EPHA6: variants seen among roughly 807,000 people sequenced by gnomAD.
The protein encoded by EPHA6 is ephrin type-A receptor 6.
In EPHA6, 50 loss-of-function variants were observed where a neutral mutation model predicts 112.0. That is an observed-to-expected ratio of 0.45 (90% CI 0.36 to 0.56). The LOEUF (loss-of-function observed/expected upper bound fraction) is 0.56, where lower values mean the gene tolerates loss of function less well. Ranked by LOEUF, EPHA6 falls within the 20% of genes least tolerant of loss-of-function variation. The probability of loss-of-function intolerance (pLI) is 0.00; values close to 1 mark genes in which losing one functional copy is unlikely to be tolerated. For synonymous variants in EPHA6, 529 were observed against 490.7 expected, an observed-to-expected ratio of 1.08 and a Z score of -1.03; for missense variants, 1,280 against 1,417.4, an observed-to-expected ratio of 0.90 and a Z score of 1.56.
At chr3:97,011,647 T>G (rs1166717019) in intron 3 of EPHA6, among the ~76,000 whole-genome samples, 3 of 152,236 alleles carry the variant, frequency 2.0e-5, no homozygotes, top group Non-Finnish European at 4.4e-5. Context: ...CTTCTATTTC[T>G]TTTTCAACTT....
At chr3:96,987,302 A>G (rs1375261181) in intron 2 of EPHA6, 28 bp from the exon 3 acceptor site, 2 of 1,551,608 alleles carry the variant, frequency 1.3e-6, no homozygotes, top group South Asian at 2.4e-5. Flanking sequence ...GTTTAAAATC[A>G]CTTAATTACT....
At chr3:97,503,448 C>G (rs891234539) in intron 10 of EPHA6, among the ~76,000 whole-genome samples, 1 of 152,164 alleles carries the variant, frequency 6.6e-6, no homozygotes, top group African/African-American at 2.4e-5. Context: ...TTACCTAAGC[C>G]TCTTTTTCTG....
chr3:97,604,513 T>A (rs760569794), intron 12 of EPHA6, among the ~76,000 whole-genome samples: 8 of 151,714 alleles, frequency 5.3e-5, no homozygotes, highest in Non-Finnish European at 8.9e-5. Context: ...TTTTTAAAAC[T>A]TTTTGTGACA....
intron 4 of EPHA6, among the ~76,000 whole-genome samples, chr3:97,240,016 T>A (rs1226311454): frequency 6.6e-6 from 1 of 151,886 alleles, no homozygotes; most frequent in Non-Finnish European, 1.5e-5. Context: ...CTGAACCTCG[T>A]TTCTTCATCT....
At chr3:96,815,058 T>G (rs2107184717) in intron 1 of EPHA6, 50 bp downstream of exon 1, 1 of 1,458,578 alleles carries the variant, frequency 6.9e-7, no homozygotes, top group Non-Finnish European at 9.1e-7. Flanking sequence ...GGAGGGTGCT[T>G]GGAGAACCAG....
intron 2 of EPHA6, among the ~76,000 whole-genome samples, chr3:96,928,298 G>A (rs2040143751): frequency 6.6e-6 from 1 of 152,174 alleles, no homozygotes; most frequent in Non-Finnish European, 1.5e-5. Context: ...TGCTTTAGCT[G>A]CATCCCAGAG....
intron 3 of EPHA6, among the ~76,000 whole-genome samples, chr3:97,022,547 C>G (rs1288694096): frequency 6.6e-6 from 1 of 152,158 alleles, no homozygotes; most frequent in Non-Finnish European, 1.5e-5. Context: ...TCTTTTCACT[C>G]CCACTTCTAG....
chr3:96,814,816 G>C lies in EPHA6; in HGVS notation c.193G>C (p.Val65Leu). Residue 65 changes from valine to leucine, a missense_variant, in exon 1 of 18, where the codon GTG becomes CTG. Val to Leu is a conservative substitution (Grantham distance 32). This residue lies in a region of EPHA6 where 220 missense variants were observed against 171.5 expected (regional missense o/e 1.28). Coordinates refer to ENST00000389672, the MANE Select transcript of EPHA6 (RefSeq NM_001080448.3). ...GGAAGAGGAGGAGGAGGAAGAAGAC[G>C]TGGACAAGGACCCCCATCCTACCCA... ...EEEEEEEEED[V>L]DKDPHPTQNT... 1.3e-6 allele frequency: 2 copies of C among 1,595,728 alleles called. No homozygotes were observed. Among genetic ancestry groups the C allele is most frequent in the Non-Finnish European group, 1.7e-6 (2 of 1,170,342 alleles).
intron 11 of EPHA6, chr3:97,569,923 G>A (rs1472451690): frequency 2.0e-5 from 3 of 152,124 alleles, no homozygotes; most frequent in East Asian, 1.9e-4. Context: ...TCTGTGTATA[G>A]GATGAAGACC....
rs188261977 is a variant in EPHA6 at position 96,887,218 on chromosome 3, C to T, written c.450+20329C>T. Among the ~76,000 whole-genome samples the T allele has an allele frequency of 4.7e-5, 7 of 147,626 alleles. No homozygotes were observed. The East Asian group carries it at 9.7e-4, about 20-fold the overall frequency. On this transcript the variant is annotated intron_variant, in intron 2 of 17. Coordinates refer to ENST00000389672, the MANE Select transcript of EPHA6 (RefSeq NM_001080448.3). ...TCTGGTTCCTTCTCATTTGGGTAGG[C>T]TCTGTCAGAGGGAGGTTCTAAGGCT...
chr3:97,123,184 T>C (rs1371570883), intron 3 of EPHA6, among the ~76,000 whole-genome samples: 1 of 152,110 alleles, frequency 6.6e-6, no homozygotes, highest in East Asian at 1.9e-4. Flanking sequence ...TAATAGCACA[T>C]GTAGTGGTAC....
At chr3:97,000,747 C>T (rs757935136) in intron 3 of EPHA6, among the ~76,000 whole-genome samples, 56 of 151,486 alleles carry the variant, frequency 3.7e-4, no homozygotes, top group Middle Eastern at 3.4e-3. Flanking sequence ...CAAGTAATTA[C>T]GGTAATCAGG....
At chr3:97,429,850 C>G (rs1404846351) in intron 6 of EPHA6, among the ~76,000 whole-genome samples, 1 of 152,096 alleles carries the variant, frequency 6.6e-6, no homozygotes, top group African/African-American at 2.4e-5. Flanking sequence ...ATGTTGCTGT[C>G]AATATATTTT....
At chr3:97,671,106 T>C (rs1310356919) in intron 14 of EPHA6, among the ~76,000 whole-genome samples, 5 of 152,180 alleles carry the variant, frequency 3.3e-5, no homozygotes, top group Admixed American at 2.0e-4. Flanking sequence ...GTCTCGGTTA[T>C]CCCTTCTGTA....
intron 3 of EPHA6, among the ~76,000 whole-genome samples, chr3:97,051,388 C>T (rs1331230016): frequency 6.6e-6 from 1 of 151,996 alleles, no homozygotes; most frequent in Admixed American, 6.6e-5. Context: ...AGACTTGACC[C>T]CTGCTGTCTA....
intron 8 of EPHA6, among the ~76,000 whole-genome samples, chr3:97,476,355 A>G (rs772811462): frequency 5.3e-5 from 8 of 152,090 alleles, no homozygotes; most frequent in Non-Finnish European, 1.2e-4. Context: ...CACTATCATG[A>G]TTTAAAACTG....
At chr3:97,258,055 T>C (rs993372045) in intron 5 of EPHA6, among the ~76,000 whole-genome samples, 2 of 152,086 alleles carry the variant, frequency 1.3e-5, no homozygotes, top group Admixed American at 1.3e-4. Flanking sequence ...TGCTTGTTCT[T>C]TCATAACTCC....
intron 14 of EPHA6, among the ~76,000 whole-genome samples, chr3:97,671,345 A>T (rs565151421): frequency 1.1e-4 from 17 of 152,240 alleles, no homozygotes; most frequent in African/African-American, 3.9e-4. Context: ...AGGGTGGGGG[A>T]CAGGGAAGGG....
intron 6 of EPHA6, among the ~76,000 whole-genome samples, chr3:97,414,985 T>C (rs1421368770): frequency 6.6e-6 from 1 of 151,944 alleles, no homozygotes; most frequent in African/African-American, 2.4e-5. Flanking sequence ...CATTTTCTGA[T>C]TGACTTACTT....
Sources: allele counts gnomAD v4.1 joint callset (sites outside exome capture counted in the v4.1 genomes callset), GRCh38; gene constraint gnomAD v4.1.1; regional missense constraint gnomAD v4.1.1; transcripts MANE v1.5; gene names NCBI Gene and HGNC (gene_info 2026-07-23, HGNC 2026-07-21).